THADA: variants seen among roughly 807,000 people sequenced by gnomAD.
THADA encodes THADA armadillo repeat containing.
THADA carries 213 observed loss-of-function variants against 219.8 expected under a neutral mutation model. That is an observed-to-expected ratio of 0.97 (90% CI 0.87 to 1.09). The LOEUF is 1.09. THADA is among the 50% of genes least tolerant of loss of function. The pLI is 0.00. For synonymous variants in THADA, 1,018 were observed against 828.9 expected, an observed-to-expected ratio of 1.23 and a Z score of -3.92; for missense variants, 2,956 against 2,311.3, an observed-to-expected ratio of 1.28 and a Z score of -5.72.
At chr2:43,586,590 C>A in intron 6 of THADA, 112 bp downstream of exon 6, 1 of 1,344,832 alleles carries the variant, frequency 7.4e-7, no homozygotes, top group Non-Finnish European at 1.0e-6. Context: ...TCATGATGTA[C>A]CTAAGTTATC....
In THADA at chr2:43,426,438, T is replaced by C. The variant is rs147229562; in HGVS notation, c.4058+1662A>G. ...ATGCCTTTCCTCCTTGCATCAACTT[T>C]CTGAAAACATTTCTTAGTTCTTTCC... is the stretch of plus-strand genomic sequence containing the variant. On this transcript the variant is annotated intron_variant, in intron 28 of 37. Coordinates refer to ENST00000405975, the MANE Select transcript of THADA (RefSeq NM_022065.5). Among the ~76,000 whole-genome samples, 313 of 152,334 alleles carry C rather than the reference T, an allele frequency of 2.1e-3. 6 individuals carry two copies. The South Asian group carries it at 0.045, about 22-fold the overall frequency.
At chr2:43,290,333 C>A in intron 34 of THADA, among the ~76,000 whole-genome samples, 1 of 151,926 alleles carries the variant, frequency 6.6e-6, no homozygotes, top group Non-Finnish European at 1.5e-5. Flanking sequence ...TCCTATACTC[C>A]CTCCACCCCA....
chr2:43,340,992 C>T (rs531758081), intron 30 of THADA, among the ~76,000 whole-genome samples: 7 of 152,288 alleles, frequency 4.6e-5, no homozygotes, highest in African/African-American at 1.7e-4. Context: ...ATTTAGGAAC[C>T]TCAAAGTTAT....
intron 25 of THADA, among the ~76,000 whole-genome samples, chr2:43,489,874 C>CA (rs201735523): frequency 0.049 from 2,703 of 55,236 alleles, 127 homozygotes; most frequent in Middle Eastern, 0.098. Flanking sequence ...TTAAGATCTG[C>CA]AAAAAAAAAA....
chr2:43,416,464 A>C (rs1426673000), intron 28 of THADA, among the ~76,000 whole-genome samples: 1 of 152,230 alleles, frequency 6.6e-6, no homozygotes, highest in Non-Finnish European at 1.5e-5. Context: ...GACACTGTAG[A>C]AACTGAACAG....
intron 3 of THADA, 86 bp downstream of exon 3, chr2:43,591,866 G>C (rs1000727573): frequency 2.3e-6 from 2 of 865,090 alleles, no homozygotes; most frequent in African/African-American, 1.7e-5. Flanking sequence ...AATAATTAGG[G>C]ACCAAAAACT....
chr2:43,502,081 A>G (rs76605832), intron 24 of THADA, among the ~76,000 whole-genome samples: 3,380 of 152,316 alleles, frequency 0.022, 50 homozygotes, highest in African/African-American at 0.044. Context: ...GTGTTATAAC[A>G]GAAATGTCTC....
At chr2:43,409,457 T>A (rs895433489) in intron 28 of THADA, among the ~76,000 whole-genome samples, 1 of 152,004 alleles carries the variant, frequency 6.6e-6, no homozygotes, top group Non-Finnish European at 1.5e-5. Context: ...AAATTGCAAT[T>A]AGGTAAGTTG....
At chr2:43,548,179 G>A (rs1173122869) in intron 20 of THADA, among the ~76,000 whole-genome samples, 9 of 152,128 alleles carry the variant, frequency 5.9e-5, no homozygotes, top group South Asian at 2.1e-4. Flanking sequence ...GCAGAACAGC[G>A]GATTTTTGTG....
intron 25 of THADA, among the ~76,000 whole-genome samples, chr2:43,485,821 G>A (rs1382546538): frequency 1.3e-5 from 2 of 151,822 alleles, no homozygotes; most frequent in East Asian, 3.9e-4. Context: ...CTTGAGGCCA[G>A]GAGTTTGAGA....
Position 43,505,722 on chromosome 2 carries a change from G to A in THADA, c.3521C>T (p.Ser1174Phe). 1 of 1,581,918 alleles carries A rather than the reference G, an allele frequency of 6.3e-7. No homozygotes were observed. The highest frequency in any genetic ancestry group is 8.6e-7 in the Non-Finnish European group (1 of 1,161,696). Residue 1174 changes from serine (S) to phenylalanine (F), a missense_variant, in exon 24 of 38, where the codon TCT becomes TTT. Ser to Phe is a radical substitution (Grantham distance 155, BLOSUM62 -2). Transcript: ENST00000405975. ...ATCCATTCTGCCTTTCTTTGGTTCA[G>A]ATGCCAACAGTGCCTATGGAAAAAG... ...IPFYIQALLA[S>F]EPKKGRMDLL...
intron 31 of THADA, among the ~76,000 whole-genome samples, chr2:43,316,926 T>A (rs1370201834): frequency 6.6e-6 from 1 of 152,142 alleles, no homozygotes; most frequent in African/African-American, 2.4e-5. Flanking sequence ...AAACTCCATG[T>A]CAACAAAAAA....
chr2:43,587,136 A>G lies in THADA; in HGVS notation c.303-134T>C, dbSNP rs539986666. 3 of 883,738 alleles carry G rather than the reference A, an allele frequency of 3.4e-6. No homozygotes were observed. In the African/African-American group the frequency reaches 5.1e-5, roughly 15 times the overall value. 54.7% of individuals were successfully genotyped at this position (883,738 alleles called of 1,614,324 possible). ...TACAGCCAGAAAACTACAACTACACACTACCATCACTCGAATTTCCTGGCT... is the reference window on the plus strand; with the variant it reads ...TACAGCCAGAAAACTACAACTACACGCTACCATCACTCGAATTTCCTGGCT... On this transcript the variant is annotated intron_variant, in intron 4 of 37. Transcript: ENST00000405975.
chr2:43,498,060 T>C (rs1372998173), intron 25 of THADA, among the ~76,000 whole-genome samples: 1 of 151,886 alleles, frequency 6.6e-6, no homozygotes, highest in East Asian at 1.9e-4. Flanking sequence ...TAAACCAATA[T>C]ACACACACAG....
At chr2:43,434,835 C>CA (rs1363316703) in intron 26 of THADA, among the ~76,000 whole-genome samples, 6 of 152,174 alleles carry the variant, frequency 3.9e-5, no homozygotes, top group African/African-American at 1.4e-4. Flanking sequence ...TGCAACAAGG[C>CA]AAGGGGGTCT....
intron 16 of THADA, 41 bp downstream of exon 16, chr2:43,560,193 T>C: frequency 6.4e-7 from 1 of 1,554,218 alleles, no homozygotes; most frequent in Non-Finnish European, 8.7e-7. Context: ...ATAGAAAGTT[T>C]CCATGCATAT....
chr2:43,239,532 T>C (rs1056080178), intron 36 of THADA, among the ~76,000 whole-genome samples: 1 of 152,216 alleles, frequency 6.6e-6, no homozygotes, highest in Admixed American at 6.5e-5. Context: ...AACTACTGAA[T>C]GAAAGAAAGA....
intron 29 of THADA, among the ~76,000 whole-genome samples, chr2:43,382,699 T>TA (rs1672187518): frequency 6.6e-6 from 1 of 152,228 alleles, no homozygotes; most frequent in South Asian, 2.1e-4. Flanking sequence ...ATACTGCTTC[T>TA]AACTGCTGCA....
Position 43,546,052 on chromosome 2 carries a change from C to T in THADA, c.3106+3158G>A, listed in dbSNP as rs534431086. Among the ~76,000 whole-genome samples, 176 of 148,882 alleles carry T rather than the reference C, an allele frequency of 1.2e-3. 3 individuals are homozygous for T. The highest frequency in any genetic ancestry group is 4.2e-3 in the African/African-American group (169 of 39,984). ...CTCTACACACTGCTTTGAATGTGTC[C>T]GAGAGATTCTGGTATGTTGTGTCTT... On this transcript the variant is annotated intron_variant, in intron 20 of 37. Transcript: ENST00000405975.
Sources: allele counts gnomAD v4.1 joint callset (sites outside exome capture counted in the v4.1 genomes callset), GRCh38; gene constraint gnomAD v4.1.1; transcripts MANE v1.5; gene names NCBI Gene and HGNC (gene_info 2026-07-23, HGNC 2026-07-21).